Variants in RBM19 observed in about 807,000 individuals in gnomAD.
RBM19 encodes the protein probable RNA-binding protein 19.
A neutral mutation model predicts 116.8 loss-of-function variants in RBM19; 94 were observed. The observed-to-expected ratio is 0.80, with a 90% confidence interval of 0.68 to 0.95. The LOEUF is 0.95. RBM19 is among the 40% of genes least tolerant of loss of function. The pLI is 0.00. For missense variants in RBM19, 1,161 were observed against 1,220.7 expected (o/e 0.95, Z 0.73); for synonymous variants, 475 against 494.1 (o/e 0.96, Z 0.51).
At chr12:113,920,326 G>T (rs932396909) in intron 19 of RBM19, among the ~76,000 whole-genome samples, 2 of 152,152 alleles carry the variant, frequency 1.3e-5, no homozygotes, top group Non-Finnish European at 2.9e-5. Flanking sequence ...CAGAAAGAGG[G>T]GCCCACGTGA....
Position 113,833,248 on chromosome 12 carries a change from T to C in RBM19, c.2786-9927A>G, listed in dbSNP as rs1446703202. 2.6e-5 allele frequency among the ~76,000 whole-genome samples: 4 copies of C among 152,202 alleles called. 1 individual carries two copies. Among genetic ancestry groups the C allele is most frequent in the Non-Finnish European group, 5.9e-5 (4 of 68,034 alleles). On this transcript the variant is annotated intron_variant, in intron 23 of 23. Coordinates refer to ENST00000261741, the MANE Select transcript of RBM19 (RefSeq NM_016196.4). ...TATGCACCAGTTTTGATTTTTCTCC[T>C]GCCTTCCAGAAGCAAGTCTGGCTGG...
chr12:113,837,369 C>T (rs1209774689), intron 23 of RBM19, among the ~76,000 whole-genome samples: 2 of 152,082 alleles, frequency 1.3e-5, no homozygotes, highest in Non-Finnish European at 2.9e-5. Context: ...CCTGGCCTGA[C>T]TGGAATGCAA....
intron 22 of RBM19, among the ~76,000 whole-genome samples, chr12:113,849,581 G>C (rs1363522853): frequency 3.3e-5 from 5 of 152,220 alleles, no homozygotes; most frequent in African/African-American, 1.2e-4. Context: ...CTTGGGTCTG[G>C]CTCTGCTCCC....
chr12:113,927,908 T>A (rs943387167), intron 16 of RBM19, among the ~76,000 whole-genome samples: 2 of 152,226 alleles, frequency 1.3e-5, no homozygotes, highest in East Asian at 3.8e-4. Flanking sequence ...TGGAAAAATA[T>A]GTAGTCATTA....
intron 22 of RBM19, among the ~76,000 whole-genome samples, chr12:113,853,603 C>T (rs776432053): frequency 3.2e-4 from 49 of 152,168 alleles, no homozygotes; most frequent in African/African-American, 9.4e-4. Flanking sequence ...AGGACCAGCC[C>T]GGTCTGGGTA....
intron 18 of RBM19, among the ~76,000 whole-genome samples, chr12:113,923,963 A>G (rs982786125): frequency 6.6e-6 from 1 of 152,238 alleles, no homozygotes; most frequent in Admixed American, 6.5e-5. Flanking sequence ...AGTACTTTGC[A>G]TGCAGTAGGT....
chr12:113,851,649 C>A (rs1271105133), intron 22 of RBM19, among the ~76,000 whole-genome samples: 1 of 152,116 alleles, frequency 6.6e-6, no homozygotes, highest in Admixed American at 6.5e-5. Context: ...ATAAATAAGA[C>A]AGCAACTCTT....
At chr12:113,913,479 C>T (rs2135850656) in intron 21 of RBM19, among the ~76,000 whole-genome samples, 1 of 152,300 alleles carries the variant, frequency 6.6e-6, no homozygotes, top group Non-Finnish European at 1.5e-5. Flanking sequence ...CAGGATTGGT[C>T]TCTGCCTCAG....
downstream of RBM19, among the ~76,000 whole-genome samples, chr12:113,821,830 AG>A (rs1296490830): frequency 6.6e-6 from 1 of 152,174 alleles, no homozygotes; most frequent in East Asian, 1.9e-4. Context: ...TGGATGGCTA[AG>A]GGGGTGCCTG....
intron 19 of RBM19, among the ~76,000 whole-genome samples, chr12:113,920,061 A>G (rs752425538): frequency 1.3e-5 from 2 of 152,066 alleles, no homozygotes; most frequent in Non-Finnish European, 2.9e-5. Flanking sequence ...TTTCAAACGT[A>G]CTAAGCTCAT....
At chr12:113,874,414 ATGCCAAATGCTCTACACGCGC>A (rs1405430752) in intron 21 of RBM19, among the ~76,000 whole-genome samples, 1 of 152,186 alleles carries the variant, frequency 6.6e-6, no homozygotes, top group East Asian at 1.9e-4. Flanking sequence ...TGCCCTGGCC[ATGCCAAATGCTCTACACGCGC>A]TGCCTCCCTT....
In RBM19 at chr12:113,837,731, G is replaced by T. The variant is rs572682747; in HGVS notation, c.2785+6937C>A. On this transcript the variant is annotated intron_variant, in intron 23 of 23. Transcript: ENST00000261741. Reference sequence around the variant, plus strand: ...CACAGGTTTGAATCCTGGCTCTGTGGTCAGTAGCTGGGTGCCCTTGGGCAA... The same window carrying T: ...CACAGGTTTGAATCCTGGCTCTGTGTTCAGTAGCTGGGTGCCCTTGGGCAA... 4.6e-4 allele frequency among the ~76,000 whole-genome samples: 70 copies of T among 152,378 alleles called. No individual in the cohort carries two copies. The South Asian group carries it at 0.014, about 30-fold the overall frequency.
chr12:113,828,973 T>C (rs1174903622), intron 23 of RBM19, among the ~76,000 whole-genome samples: 1 of 151,778 alleles, frequency 6.6e-6, no homozygotes, highest in African/African-American at 2.4e-5. Context: ...TGTCCCTTTA[T>C]TGATACAGGA....
intron 1 of RBM19, among the ~76,000 whole-genome samples, chr12:113,965,069 G>A (rs1322739735): frequency 6.6e-6 from 1 of 151,850 alleles, no homozygotes; most frequent in Non-Finnish European, 1.5e-5. Context: ...TCAGGAGTTC[G>A]AGACCAACTT....
intron 21 of RBM19, among the ~76,000 whole-genome samples, chr12:113,879,005 C>T (rs1166333144): frequency 6.6e-6 from 1 of 152,086 alleles, no homozygotes; most frequent in Non-Finnish European, 1.5e-5. Context: ...AGAACTAGAC[C>T]GTGTGTCCCA....
intron 19 of RBM19, 102 bp from the exon 20 acceptor site, chr12:113,918,549 T>C (rs1188454784): frequency 2.3e-6 from 3 of 1,278,806 alleles, no homozygotes; most frequent in Non-Finnish European, 3.4e-6. Context: ...GATGGGAGCC[T>C]GATTGTTCCC....
intron 21 of RBM19, among the ~76,000 whole-genome samples, chr12:113,905,978 C>G (rs955955492): frequency 2.6e-5 from 4 of 152,062 alleles, no homozygotes; most frequent in Non-Finnish European, 5.9e-5. Context: ...CAAGTGTGGA[C>G]GAGGATGAGG....
chr12:113,845,634 T>C (rs1876902488), intron 22 of RBM19, among the ~76,000 whole-genome samples: 1 of 152,080 alleles, frequency 6.6e-6, no homozygotes, highest in African/African-American at 2.4e-5. Flanking sequence ...CAACCACCAG[T>C]CTGCTTTCTG....
At position 113,880,467 on chromosome 12, in the gene RBM19, T is replaced by C. The variant is rs868645479; in HGVS notation, c.2559-21571A>G. On this transcript the variant is annotated intron_variant, in intron 21 of 23. Transcript: ENST00000261741. ...GAGATCCTGACAGGTACGACAGCTCTTGTTCTGTGAGCCTTGTCGTAAACA... is the reference window on the plus strand; with the variant it reads ...GAGATCCTGACAGGTACGACAGCTCCTGTTCTGTGAGCCTTGTCGTAAACA... 1.1e-4 allele frequency among the ~76,000 whole-genome samples: 16 copies of C among 152,366 alleles called. 1 individual carries two copies. In the Middle Eastern group the frequency reaches 0.02, roughly 194 times the overall value.
Sources: gnomAD v4.1 joint callset for allele counts (sites outside exome capture counted in the v4.1 genomes callset) on GRCh38, gnomAD v4.1.1 for gene constraint, MANE v1.5 for transcripts, NCBI Gene and HGNC (gene_info 2026-07-23, HGNC 2026-07-21) for gene names.